BAG4: variants seen among roughly 807,000 people sequenced by gnomAD.
The protein encoded by BAG4 is BAG cochaperone 4.
BAG4 carries 28 observed loss-of-function variants against 52.1 expected under a neutral mutation model. The ratio of observed to expected loss-of-function variants is 0.54; its 90% confidence interval spans 0.40 to 0.74. BAG4 has a LOEUF of 0.74. BAG4 is among the 30% of genes least tolerant of loss of function. BAG4 has a pLI of 0.00. For missense variants in BAG4, 525 were observed against 572.0 expected, an observed-to-expected ratio of 0.92 and a Z score of 0.84; for synonymous variants, 208 against 217.0, an observed-to-expected ratio of 0.96 and a Z score of 0.37.
At chr8:38,201,662 A>T (rs901044167) in intron 2 of BAG4, 1 of 151,514 alleles carries the variant, frequency 6.6e-6, no homozygotes, top group African/African-American at 2.4e-5. Flanking sequence ...TTTCCTTTTT[A>T]AAAAATTAAG....
intron 2 of BAG4, among the ~76,000 whole-genome samples, chr8:38,206,612 C>CTA (rs1803772127): frequency 6.6e-6 from 1 of 152,100 alleles, no homozygotes; most frequent in Admixed American, 6.6e-5. Flanking sequence ...ATGCCAGACA[C>CTA]TATGCTAAAC....
intron 1 of BAG4, among the ~76,000 whole-genome samples, chr8:38,184,470 T>G (rs983278262): frequency 2.8e-4 from 25 of 88,820 alleles, no homozygotes; most frequent in African/African-American, 9.3e-4. Flanking sequence ...CTGTCTCAAA[T>G]AAAATAAAAT....
chr8:38,184,858 A>G (rs1803338039), intron 1 of BAG4, among the ~76,000 whole-genome samples: 1 of 152,192 alleles, frequency 6.6e-6, no homozygotes, highest in African/African-American at 2.4e-5. Flanking sequence ...TGGGAGGCTG[A>G]GGTGGGCAGA....
In BAG4 at chr8:38,208,475, A is replaced by G. The variant is rs571496789; in HGVS notation, c.634-538A>G. Among the ~76,000 whole-genome samples the G allele has an allele frequency of 2.8e-3, 390 of 138,470 alleles. 1 individual carries two copies. The highest frequency in any genetic ancestry group is 0.01 in the African/African-American group (374 of 37,266). 90.8% of individuals were successfully genotyped at this position (138,470 alleles called of 152,430 possible). ...CAAGCGCCCGCCACCGCGCCCAGCT[A>G]ATTTTTTTTGTATTTTTAGTAGAGA... On this transcript the variant is annotated intron_variant, in intron 3 of 4. Coordinates refer to ENST00000287322, the MANE Select transcript of BAG4 (RefSeq NM_004874.4).
At chr8:38,190,083 C>T (rs972260282) in intron 1 of BAG4, among the ~76,000 whole-genome samples, 1 of 152,188 alleles carries the variant, frequency 6.6e-6, no homozygotes, top group African/African-American at 2.4e-5. Flanking sequence ...CTGCACCCAG[C>T]CAAATTATGT....
intron 4 of BAG4, 24 bp downstream of exon 4, chr8:38,209,291 T>G (rs752106733): frequency 6.2e-7 from 1 of 1,613,848 alleles, no homozygotes; most frequent in Non-Finnish European, 8.5e-7. Context: ...ATGTTGTTCC[T>G]TTAATGTGTG....
chr8:38,191,871 G>T (rs898463710), intron 1 of BAG4, among the ~76,000 whole-genome samples: 5 of 151,562 alleles, frequency 3.3e-5, no homozygotes, highest in African/African-American at 1.2e-4. Flanking sequence ...GAGAAGTTTT[G>T]AGTATATTTA....
chr8:38,206,274 T>TAA (rs758467407), intron 2 of BAG4, among the ~76,000 whole-genome samples: 8 of 127,622 alleles, frequency 6.3e-5, no homozygotes, highest in African/African-American at 1.4e-4. Flanking sequence ...GACTCCATCT[T>TAA]AAAAAAAAAA....
In BAG4 at chr8:38,212,985, T is replaced by C. The variant is rs1170658618; in HGVS notation, c.*2492T>C. On this transcript the variant is annotated 3_prime_UTR_variant, in exon 5 of 5. Coordinates refer to ENST00000287322, the MANE Select transcript of BAG4 (RefSeq NM_004874.4). Reference sequence around the variant, plus strand: ...AGTTCTGGATTTATATTTTTAACTATAATAAGATATTCAGGATAAGTATAG... The same window carrying C: ...AGTTCTGGATTTATATTTTTAACTACAATAAGATATTCAGGATAAGTATAG... 1 of 152,210 alleles carries C rather than the reference T, an allele frequency of 6.6e-6. No homozygotes were observed. Among genetic ancestry groups the C allele is most frequent in the Non-Finnish European group, 1.5e-5 (1 of 68,038 alleles). The allele number at this position is 152,210 out of a possible 1,614,324, so 9.4% of individuals were successfully genotyped here.
At chr8:38,186,863 T>C (rs1166893446) in intron 1 of BAG4, among the ~76,000 whole-genome samples, 1 of 152,248 alleles carries the variant, frequency 6.6e-6, no homozygotes, top group Non-Finnish European at 1.5e-5. Flanking sequence ...CTGTGCCTTC[T>C]AATGAGCAAT....
chr8:38,209,162 G>C lies in BAG4; in HGVS notation c.783G>C (p.Ala261=), dbSNP rs146791444. The change falls in exon 4 of 5, where the codon GCG becomes GCC. Residue 261 remains alanine, a synonymous_variant. Transcript: ENST00000287322. ...GCCGTTATCCCTGGCCTTCATCAGC[G>C]CCCTCAGCACCACCCGGCAATCTCT... ...MGGRYPWPSS[A]PSAPPGNLYM... 2.4e-5 allele frequency: 38 copies of C among 1,613,932 alleles called. No homozygotes were observed. The highest frequency in any genetic ancestry group is 3.3e-5 in the Admixed American group (2 of 59,976).
Position 38,189,364 on chromosome 8 carries a change from G to C in BAG4, c.271-3324G>C, listed in dbSNP as rs976323703. On this transcript the variant is annotated intron_variant, in intron 1 of 4. Coordinates refer to ENST00000287322, the MANE Select transcript of BAG4 (RefSeq NM_004874.4). ...TTTCGGTTTCTTTGCAGTTCAGCTT[G>C]TCCTTAGAGAATAAATTCCACTGAG... Among the ~76,000 whole-genome samples the C allele has an allele frequency of 1.3e-5, 2 of 152,130 alleles. 1 individual carries two copies. The highest frequency in any genetic ancestry group is 4.8e-5 in the African/African-American group (2 of 41,428).
Position 38,209,242 on chromosome 8 carries a change from C to T in BAG4, c.863C>T (p.Pro288Leu). ...WPSSGSPQSP[P>L]SPPVQQPKDS... ...AGCAGTGGCTCTCCCCAGTCACCCCCTTCACCCCCAGTCCAGCAGCCCAAG... is the reference window on the plus strand; with the variant it reads ...AGCAGTGGCTCTCCCCAGTCACCCCTTTCACCCCCAGTCCAGCAGCCCAAG... The change falls in exon 4 of 5, where the codon CCT becomes CTT. Residue 288 changes from proline (P) to leucine (L), a missense_variant. By Grantham distance (98) the Pro-to-Leu change is moderately conservative. Transcript: ENST00000287322. 6.2e-7 allele frequency: 1 copy of T among 1,614,188 alleles called. No individual in the cohort carries two copies. The highest frequency in any genetic ancestry group is 1.3e-5 in the African/African-American group (1 of 75,050).
chr8:38,183,214 T>C (rs1015958241), intron 1 of BAG4, among the ~76,000 whole-genome samples: 1 of 151,840 alleles, frequency 6.6e-6, no homozygotes, highest in African/African-American at 2.4e-5. Flanking sequence ...CTGGCTAATT[T>C]TTTTTTGTAT....
intron 4 of BAG4, chr8:38,209,573 C>G (rs1803833697): frequency 7.3e-6 from 3 of 411,540 alleles, no homozygotes; most frequent in Admixed American, 4.2e-5. Context: ...AATCTATGAA[C>G]AGAAGACAAA....
At chr8:38,184,634 T>C (rs1332744489) in intron 1 of BAG4, among the ~76,000 whole-genome samples, 1 of 152,054 alleles carries the variant, frequency 6.6e-6, no homozygotes, top group Non-Finnish European at 1.5e-5. Context: ...TTGAATGGCA[T>C]TGCGGTGTTG....
chr8:38,196,405 G>A (rs1179194572), intron 2 of BAG4, among the ~76,000 whole-genome samples: 13 of 152,138 alleles, frequency 8.5e-5, no homozygotes, highest in Admixed American at 8.5e-4. Context: ...TGTAATCCCA[G>A]CACTTTGGGA....
intron 1 of BAG4, among the ~76,000 whole-genome samples, chr8:38,183,239 G>C (rs1803304260): frequency 1.3e-5 from 2 of 151,726 alleles, no homozygotes; most frequent in South Asian, 4.2e-4. Flanking sequence ...AGTAGAGATG[G>C]GGTTTCACCA....
At chr8:38,187,885 A>T (rs1186738883) in intron 1 of BAG4, among the ~76,000 whole-genome samples, 1 of 150,476 alleles carries the variant, frequency 6.6e-6, no homozygotes, top group Non-Finnish European at 1.5e-5. Flanking sequence ...AAAAAAAAAA[A>T]AATTAGCCGG....
Sources: gnomAD v4.1 joint callset for allele counts (sites outside exome capture counted in the v4.1 genomes callset) on GRCh38, gnomAD v4.1.1 for gene constraint, MANE v1.5 for transcripts, NCBI Gene and HGNC (gene_info 2026-07-23, HGNC 2026-07-21) for gene names.